Variants in FOXP2 observed in about 807,000 individuals in gnomAD.
The protein encoded by FOXP2 is forkhead box protein P2.
Under a neutral mutation model 115.8 loss-of-function variants are expected in FOXP2, and 12 were observed. The ratio of observed to expected loss-of-function variants is 0.10; its 90% confidence interval spans 0.07 to 0.17. The LOEUF (loss-of-function observed/expected upper bound fraction) is 0.17, where lower values mean the gene tolerates loss of function less well. Among genes scored for constraint, FOXP2 ranks in the 10% least tolerant of loss-of-function variants. FOXP2 has a pLI of 1.00. For synonymous variants in FOXP2, 328 were observed against 297.7 expected (o/e 1.10, Z -1.05); for missense variants, 629 against 843.5 (o/e 0.75, Z 3.15).
intron 2 of FOXP2, among the ~76,000 whole-genome samples, chr7:114,408,107 A>G (rs1793077269): frequency 6.6e-6 from 1 of 152,148 alleles, no homozygotes; most frequent in Non-Finnish European, 1.5e-5. Context: ...TTTATTTTGA[A>G]TACTTGTTTC....
chr7:114,302,147 A>G (rs1796893325), intron 2 of FOXP2, among the ~76,000 whole-genome samples: 1 of 152,168 alleles, frequency 6.6e-6, no homozygotes, highest in African/African-American at 2.4e-5. Context: ...TCTGTCTTAC[A>G]TGTAATTCCA....
chr7:114,514,920 A>G (rs980300349), intron 2 of FOXP2, among the ~76,000 whole-genome samples: 1 of 134,332 alleles, frequency 7.4e-6, no homozygotes, highest in Non-Finnish European at 1.5e-5. Flanking sequence ...TCCTGTGTCC[A>G]TGTGTTCTCA....
At chr7:114,650,004 A>G (rs1360739503) in intron 8 of FOXP2, among the ~76,000 whole-genome samples, 2 of 152,126 alleles carry the variant, frequency 1.3e-5, no homozygotes, top group Non-Finnish European at 2.9e-5. Context: ...ATACAGGAGA[A>G]TAAAGGACTA....
chr7:114,223,080 T>C (rs1008003406), intron 1 of FOXP2, among the ~76,000 whole-genome samples: 7 of 152,184 alleles, frequency 4.6e-5, no homozygotes, highest in Non-Finnish European at 4.4e-5. Context: ...TTCATATATA[T>C]TTGTTGGTAC....
intron 1 of FOXP2, among the ~76,000 whole-genome samples, chr7:114,103,506 G>A (rs1791039058): frequency 6.6e-6 from 1 of 151,910 alleles, no homozygotes; most frequent in East Asian, 1.9e-4. Flanking sequence ...TATTTTTGAT[G>A]TAAACCTTGT....
chr7:114,316,834 A>C (rs1383625363), intron 2 of FOXP2, among the ~76,000 whole-genome samples: 2 of 151,936 alleles, frequency 1.3e-5, no homozygotes, highest in Admixed American at 1.3e-4. Context: ...AAAACTTTCT[A>C]ATTTTTTTTT....
At chr7:114,589,521 A>C in intron 3 of FOXP2, among the ~76,000 whole-genome samples, 1 of 152,142 alleles carries the variant, frequency 6.6e-6, no homozygotes, top group East Asian at 1.9e-4. Flanking sequence ...TTAAGGCTAA[A>C]CTGCTCTGCT....
At chr7:114,545,942 T>G (rs1799903553) in intron 3 of FOXP2, among the ~76,000 whole-genome samples, 1 of 152,210 alleles carries the variant, frequency 6.6e-6, no homozygotes, top group African/African-American at 2.4e-5. Flanking sequence ...TATGTCTTGT[T>G]AATGCATCTA....
intron 1 of FOXP2, among the ~76,000 whole-genome samples, chr7:114,096,052 T>G (rs1799641779): frequency 6.6e-6 from 1 of 152,182 alleles, no homozygotes; most frequent in Non-Finnish European, 1.5e-5. Flanking sequence ...GGTTGTTTTT[T>G]CCCTACTTTG....
intron 2 of FOXP2, among the ~76,000 whole-genome samples, chr7:114,483,494 T>C (rs1426032949): frequency 6.6e-6 from 1 of 151,712 alleles, no homozygotes; most frequent in African/African-American, 2.4e-5. Context: ...TTGAATATGC[T>C]AGTACCCAAT....
intron 1 of FOXP2, among the ~76,000 whole-genome samples, chr7:114,176,069 T>A (rs1793280472): frequency 1.3e-5 from 2 of 152,152 alleles, no homozygotes; most frequent in Non-Finnish European, 2.9e-5. Context: ...TTGGGGATTT[T>A]AAAATTTATA....
At chr7:114,640,176 C>T (rs1451870044) in intron 6 of FOXP2, among the ~76,000 whole-genome samples, 4 of 152,126 alleles carry the variant, frequency 2.6e-5, no homozygotes, top group African/African-American at 9.7e-5. Flanking sequence ...ACCTAACATA[C>T]ACCAACAGAT....
chr7:114,310,597 C>T (rs982400514), intron 2 of FOXP2, among the ~76,000 whole-genome samples: 20 of 151,848 alleles, frequency 1.3e-4, no homozygotes, highest in African/African-American at 4.8e-4. Flanking sequence ...AGTACTCTGG[C>T]AGGCATCAGA....
intron 1 of FOXP2, among the ~76,000 whole-genome samples, 181 bp from the exon 2 acceptor site, chr7:114,426,321 A>G (rs770832825): frequency 1.3e-5 from 2 of 151,686 alleles, no homozygotes; most frequent in Non-Finnish European, 3.0e-5. Context: ...CATAATTTCA[A>G]TGATTAGCAT....
intron 3 of FOXP2, among the ~76,000 whole-genome samples, chr7:114,558,364 C>A (rs906209748): frequency 1.1e-4 from 16 of 152,132 alleles, no homozygotes; most frequent in Admixed American, 9.8e-4. Flanking sequence ...TGTCAGAAAT[C>A]TTTTTATGTA....
chr7:114,337,681 A>G (rs1323421819), intron 2 of FOXP2, among the ~76,000 whole-genome samples: 1 of 151,184 alleles, frequency 6.6e-6, no homozygotes, highest in African/African-American at 2.4e-5. Flanking sequence ...AATTATTGTA[A>G]ATATTAATTG....
chr7:114,226,228 C>G (rs1794745476), intron 1 of FOXP2, among the ~76,000 whole-genome samples: 1 of 152,154 alleles, frequency 6.6e-6, no homozygotes, highest in Non-Finnish European at 1.5e-5. Context: ...TTTTGAATTT[C>G]AAGAAAATGT....
At chr7:114,605,021 A>G (rs1803236292) in intron 3 of FOXP2, among the ~76,000 whole-genome samples, 1 of 152,208 alleles carries the variant, frequency 6.6e-6, no homozygotes, top group African/African-American at 2.4e-5. Context: ...ATGCCATTAG[A>G]AATGTGAAAA....
At chr7:114,288,016 C>T in intron 1 of FOXP2, 1 of 445,294 alleles carries the variant, frequency 2.2e-6, no homozygotes, top group Non-Finnish European at 4.5e-6. Context: ...TCTCTATTAA[C>T]AGGTCTACTC....
Sources: allele counts gnomAD v4.1 joint callset (sites outside exome capture counted in the v4.1 genomes callset), GRCh38; gene constraint gnomAD v4.1.1; transcripts MANE v1.5; gene names NCBI Gene and HGNC (gene_info 2026-07-23, HGNC 2026-07-21).